The following GALNT2 variants were observed in gnomAD, a reference collection of about 807,000 sequenced individuals.
GALNT2 encodes polypeptide N-acetylgalactosaminyltransferase 2.
Under a neutral mutation model 81.4 loss-of-function variants are expected in GALNT2, and 31 were observed. The ratio of observed to expected loss-of-function variants is 0.38; its 90% CI spans 0.29 to 0.51. The LOEUF is 0.51. GALNT2 is among the 20% of genes least tolerant of loss of function. The pLI, the probability that GALNT2 is intolerant of heterozygous loss-of-function variation, is 0.87. For missense variants in GALNT2, 629 were observed against 765.7 expected, an observed-to-expected ratio of 0.82 and a Z score of 2.11; for synonymous variants, 303 against 287.4, an observed-to-expected ratio of 1.05 and a Z score of -0.55.
chr1:230,249,848 A>G (rs749421025), intron 9 of GALNT2, among the ~76,000 whole-genome samples: 2 of 152,244 alleles, frequency 1.3e-5, no homozygotes, highest in Admixed American at 6.5e-5. Flanking sequence ...ACATTTAGCC[A>G]ACATCTGCAG....
intron 2 of GALNT2, among the ~76,000 whole-genome samples, chr1:230,186,404 G>A (rs1249133544): frequency 6.6e-6 from 1 of 152,170 alleles, no homozygotes; most frequent in East Asian, 1.9e-4. Context: ...TCCTGGATGA[G>A]TCATGAAGCC....
intron 1 of GALNT2, among the ~76,000 whole-genome samples, chr1:230,157,827 A>C (rs1299944812): frequency 6.6e-6 from 1 of 152,204 alleles, no homozygotes; most frequent in African/African-American, 2.4e-5. Context: ...TGGAGAAGAG[A>C]GTTAACTACA....
chr1:230,162,045 T>A (rs1662452421), intron 1 of GALNT2, among the ~76,000 whole-genome samples: 1 of 152,120 alleles, frequency 6.6e-6, no homozygotes, highest in African/African-American at 2.4e-5. Flanking sequence ...AAAAAAAAAA[T>A]CTTGGCGCTT....
chr1:230,086,934 C>T lies in GALNT2; in HGVS notation c.126+19528C>T, dbSNP rs528896302. Among the ~76,000 whole-genome samples, 8 of 152,284 alleles carry T rather than the reference C, an allele frequency of 5.3e-5. No individual in the cohort carries two copies. The South Asian group carries it at 1.5e-3, about 28-fold the overall frequency. Reference sequence around the variant, plus strand: ...AGTACCTTTCTATGTCTCTGTTACTCCTCTACGAGATGGAGTTTATCACAG... The same window carrying T: ...AGTACCTTTCTATGTCTCTGTTACTTCTCTACGAGATGGAGTTTATCACAG... On this transcript the variant is annotated intron_variant, in intron 1 of 15. Transcript: ENST00000366672.
rs1666260805 is a variant in GALNT2 at position 230,275,150 on chromosome 1, CA to C, written c.1560+587del. Among the ~76,000 whole-genome samples the C allele has an allele frequency of 6.6e-6, 1 of 150,580 alleles. No individual in the cohort carries two copies. Among genetic ancestry groups the C allele is most frequent in the Non-Finnish European group, 1.5e-5 (1 of 67,672 alleles). Reference sequence around the variant, plus strand: ...TATACACACCACATATACATATATACACACCACATATACATATACCTGCCAC... The same window carrying C: ...TATACACACCACATATACATATATACCACCACATATACATATACCTGCCAC... On this transcript the variant is annotated intron_variant, in intron 15 of 15. Coordinates refer to ENST00000366672, the MANE Select transcript of GALNT2 (RefSeq NM_004481.5). The surrounding 1 kb of genome is among the most constrained non-coding windows in gnomAD (Gnocchi z 5.5).
chr1:230,268,657 G>A (rs1458480851), intron 14 of GALNT2, among the ~76,000 whole-genome samples: 9 of 152,090 alleles, frequency 5.9e-5, no homozygotes, highest in East Asian at 1.9e-4. Flanking sequence ...CTTAATTACC[G>A]CACAGCTAGT....
intron 2 of GALNT2, among the ~76,000 whole-genome samples, chr1:230,189,594 T>G (rs1034877542): frequency 6.6e-6 from 1 of 152,150 alleles, no homozygotes; most frequent in Non-Finnish European, 1.5e-5. Flanking sequence ...GACCCTTTGT[T>G]TTTCTAGGTG....
chr1:230,274,667 T>G (rs1024420166), intron 15 of GALNT2, 103 bp downstream of exon 15: 2 of 1,396,580 alleles, frequency 1.4e-6, no homozygotes, highest in Non-Finnish European at 9.7e-7. Flanking sequence ...CATCCATCTC[T>G]GCGTGTACTT....
chr1:230,066,328 T>C (rs911050628), upstream of GALNT2, among the ~76,000 whole-genome samples: 1 of 152,276 alleles, frequency 6.6e-6, no homozygotes, highest in African/African-American at 2.4e-5. Flanking sequence ...TTTTCTTGTA[T>C]CGTTAAAGAT....
At chr1:230,217,621 A>G (rs1366137333) in intron 3 of GALNT2, among the ~76,000 whole-genome samples, 2 of 152,224 alleles carry the variant, frequency 1.3e-5, no homozygotes, top group Admixed American at 6.5e-5. Context: ...TTTACTTCTT[A>G]TAGTATGGAG....
At chr1:230,246,791 G>A (rs1665384934) in intron 8 of GALNT2, among the ~76,000 whole-genome samples, 1 of 152,000 alleles carries the variant, frequency 6.6e-6, no homozygotes, top group Non-Finnish European at 1.5e-5. Flanking sequence ...CACCCACCCT[G>A]GAGCCCCAAG....
In GALNT2 at chr1:230,133,963, C is replaced by A. The variant is rs985383986; in HGVS notation, c.127-44255C>A. ...AACTTTATGTAGTTAAATTCTCATCCTTTTGCTTTCTGGTTTCCTCCATTT... is the reference window on the plus strand; with the variant it reads ...AACTTTATGTAGTTAAATTCTCATCATTTTGCTTTCTGGTTTCCTCCATTT... On this transcript the variant is annotated intron_variant, in intron 1 of 15. Transcript: ENST00000366672. Among the ~76,000 whole-genome samples the A allele has an allele frequency of 6.6e-5, 10 of 151,940 alleles. No homozygotes were observed. The East Asian group carries it at 1.7e-3, about 26-fold the overall frequency.
chr1:230,150,420 C>T (rs758390617), intron 1 of GALNT2, among the ~76,000 whole-genome samples: 5 of 152,336 alleles, frequency 3.3e-5, no homozygotes, highest in African/African-American at 9.6e-5. Flanking sequence ...ACCTTTGAAA[C>T]GGTTTCCAAC....
intron 3 of GALNT2, among the ~76,000 whole-genome samples, chr1:230,214,502 T>C (rs1446051365): frequency 1.3e-5 from 2 of 152,240 alleles, no homozygotes; most frequent in East Asian, 3.8e-4. Flanking sequence ...TCAGTTGTCT[T>C]CTGTTTTTTG....
At chr1:230,125,342 A>G (rs1198683639) in intron 1 of GALNT2, among the ~76,000 whole-genome samples, 1 of 152,230 alleles carries the variant, frequency 6.6e-6, no homozygotes, top group Admixed American at 6.5e-5. Flanking sequence ...ATAGCTGGTT[A>G]GAATGTCCCT....
intron 1 of GALNT2, among the ~76,000 whole-genome samples, chr1:230,112,817 G>C (rs1053658209): frequency 6.6e-6 from 1 of 152,022 alleles, no homozygotes; most frequent in African/African-American, 2.4e-5. Context: ...GACCAGGCCT[G>C]GCTCCGCTGG....
intron 1 of GALNT2, among the ~76,000 whole-genome samples, chr1:230,107,610 TTGTGTGTG>T (rs3033608): frequency 1.1e-4 from 16 of 141,116 alleles, no homozygotes; most frequent in Admixed American, 3.6e-4. Context: ...CTCATGGACT[TTGTGTGTG>T]TGTGTGTGTG....
Position 230,193,447 on chromosome 1 carries a change from G to C in GALNT2, c.221-9690G>C, listed in dbSNP as rs891160563. Among the ~76,000 whole-genome samples the C allele has an allele frequency of 2.5e-4, 38 of 152,182 alleles. No homozygotes were observed. Among genetic ancestry groups the C allele is most frequent in the African/African-American group, 8.7e-4 (36 of 41,432 alleles). ...CTCTAAAGACCGCATTTGTGCATGTGCCTGTGCGTGAGCCTCTGTGTGCTG... is the reference window on the plus strand; with the variant it reads ...CTCTAAAGACCGCATTTGTGCATGTCCCTGTGCGTGAGCCTCTGTGTGCTG... On this transcript the variant is annotated intron_variant, in intron 2 of 15. Coordinates refer to ENST00000366672, the MANE Select transcript of GALNT2 (RefSeq NM_004481.5). The surrounding 1 kb of genome is among the most constrained non-coding windows in gnomAD (Gnocchi z 4.3).
At chr1:230,101,295 T>C (rs1660395693) in intron 1 of GALNT2, among the ~76,000 whole-genome samples, 1 of 152,268 alleles carries the variant, frequency 6.6e-6, no homozygotes, top group South Asian at 2.1e-4. Flanking sequence ...ATTGTAATTC[T>C]GGCTTTTTCC....
Sources: allele counts gnomAD v4.1 joint callset (sites outside exome capture counted in the v4.1 genomes callset), GRCh38; gene constraint gnomAD v4.1.1; non-coding constraint Gnocchi (gnomAD v3.1); transcripts MANE v1.5; gene names NCBI Gene and HGNC (gene_info 2026-07-23, HGNC 2026-07-21).